THOC5: variants seen among roughly 807,000 people sequenced by gnomAD.
THOC5 encodes the protein Fms-interacting protein.
In THOC5, 43 loss-of-function variants were observed where a neutral mutation model predicts 92.9. The observed-to-expected ratio is 0.46, with a 90% confidence interval of 0.36 to 0.60. THOC5 has a LOEUF of 0.60. Among genes scored for constraint, THOC5 ranks in the 20% least tolerant of loss-of-function variants. THOC5 has a pLI of 0.00. For missense variants in THOC5, 659 were observed against 849.4 expected (o/e 0.78, Z 2.79); for synonymous variants, 296 against 320.1 (o/e 0.92, Z 0.80).
chr22:29,530,741 T>G (rs1442643525), intron 8 of THOC5, among the ~76,000 whole-genome samples: 4 of 152,150 alleles, frequency 2.6e-5, no homozygotes, highest in African/African-American at 7.2e-5. Context: ...CATTGAGTGA[T>G]GTCTTGAGAC....
At chr22:29,536,787 C>T (rs1479162183) in intron 6 of THOC5, 49 bp from the exon 7 acceptor site, 2 of 997,586 alleles carry the variant, frequency 2.0e-6, no homozygotes, top group Non-Finnish European at 3.2e-6. Context: ...CCAGTGATAC[C>T]TCAACATGCC....
At chr22:29,513,076 C>T (rs938793979) in intron 17 of THOC5, among the ~76,000 whole-genome samples, 1 of 152,174 alleles carries the variant, frequency 6.6e-6, no homozygotes, top group Admixed American at 6.5e-5. Context: ...TTGTGGCTGG[C>T]GCGGTGGCTC....
At chr22:29,542,790 G>A (rs2063926092) in intron 5 of THOC5, 69 bp downstream of exon 5, 2 of 1,050,628 alleles carry the variant, frequency 1.9e-6, no homozygotes, top group South Asian at 2.8e-5. Context: ...CAGACTTACA[G>A]TGAGCTACAT....
At chr22:29,530,940 C>T (rs2063642130) in intron 8 of THOC5, 3 of 674,198 alleles carry the variant, frequency 4.4e-6, no homozygotes, top group Middle Eastern at 3.4e-4. Context: ...CCACCCTTCA[C>T]CCCAAGCAAC....
Position 29,529,064 on chromosome 22 carries a change from G to A in THOC5, c.925+98C>T, listed in dbSNP as rs1231459123. 3 of 1,213,746 alleles carry A rather than the reference G, an allele frequency of 2.5e-6. No individual in the cohort carries two copies. The African/African-American group carries it at 4.5e-5, about 18-fold the overall frequency. The allele number at this position is 1,213,746 out of a possible 1,614,324, so 75.2% of individuals were successfully genotyped here. A position where few individuals can be genotyped will look rare whatever the true frequency, so the allele number is the denominator to read the frequency against. On this transcript the variant is annotated intron_variant, in intron 9 of 19. Transcript: ENST00000490103. ...CTAAGACATTCAAGTCAAGCTTCCTGCTACACAGAACTAGTCCAGCTAGTT... is the reference window on the plus strand; with the variant it reads ...CTAAGACATTCAAGTCAAGCTTCCTACTACACAGAACTAGTCCAGCTAGTT...
At chr22:29,511,401 C>T (rs1445918699) in intron 18 of THOC5, 105 bp from the exon 19 acceptor site, 5 of 1,320,536 alleles carry the variant, frequency 3.8e-6, no homozygotes, top group Non-Finnish European at 5.2e-6. Flanking sequence ...GATGCCTCTG[C>T]AGGGGCTGGG....
chr22:29,519,019 C>A lies in THOC5; in HGVS notation c.1476G>T (p.Gln492His), dbSNP rs1258909767. ...RVQSRLALHKQFASLEHGIVP... is the reference protein window; with the variant it reads ...RVQSRLALHKHFASLEHGIVP... ...TCATCAGCTTACCTAGGGATGCAAA[C>A]TGTTTGTGGAGGGCCAGGCGGGACT... Residue 492 changes from glutamine to histidine, a missense_variant, in exon 15 of 20, where the codon CAG becomes CAT. By Grantham distance (24) the Gln-to-His change is conservative (BLOSUM62 0). Transcript: ENST00000490103. 4 of 1,604,044 alleles carry A rather than the reference C, an allele frequency of 2.5e-6. No individual in the cohort carries two copies. Among genetic ancestry groups the A allele is most frequent in the Non-Finnish European group, 2.6e-6 (3 of 1,174,910 alleles).
intron 17 of THOC5, among the ~76,000 whole-genome samples, chr22:29,516,711 T>G (rs1417836952): frequency 6.6e-6 from 1 of 152,166 alleles, no homozygotes; most frequent in East Asian, 1.9e-4. Context: ...AGATGTCCGG[T>G]ACTAGAAAGC....
At chr22:29,544,915 A>G in intron 2 of THOC5, 1 of 285,132 alleles carries the variant, frequency 3.5e-6, no homozygotes, top group South Asian at 3.4e-5. Context: ...AAGATTGTGG[A>G]TAAATAAACA....
chr22:29,520,750 C>A (rs2063425131), intron 13 of THOC5, among the ~76,000 whole-genome samples: 1 of 152,214 alleles, frequency 6.6e-6, no homozygotes, highest in Non-Finnish European at 1.5e-5. Flanking sequence ...CCTGCTTTGG[C>A]CTTCCAAAGT....
intron 1 of THOC5, among the ~76,000 whole-genome samples, chr22:29,549,726 C>T (rs982051291): frequency 6.6e-6 from 1 of 152,158 alleles, no homozygotes; most frequent in African/African-American, 2.4e-5. Context: ...ACCTTCCCAA[C>T]TTCATTTCTT....
chr22:29,511,343 G>T, intron 18 of THOC5, 47 bp from the exon 19 acceptor site: 1 of 1,580,166 alleles, frequency 6.3e-7, no homozygotes. Flanking sequence ...TCCTGCATGT[G>T]GGGGACCACA....
chr22:29,510,457 G>A (rs756789915), intron 19 of THOC5, among the ~76,000 whole-genome samples: 10 of 152,076 alleles, frequency 6.6e-5, no homozygotes, highest in Non-Finnish European at 1.0e-4. Context: ...AATTAGTTGC[G>A]TGTGGCGGTG....
intron 12 of THOC5, among the ~76,000 whole-genome samples, chr22:29,524,219 AC>A (rs1299782264): frequency 6.6e-6 from 1 of 152,104 alleles, no homozygotes; most frequent in Non-Finnish European, 1.5e-5. Context: ...TCCACTCTCT[AC>A]CTGTGACCTT....
rs1268199995 is a variant in THOC5 at position 29,544,611 on chromosome 22, G to C, written c.97-8C>G. The C allele has an allele frequency of 6.2e-7, 1 of 1,603,884 alleles. No individual in the cohort carries two copies. The highest frequency in any genetic ancestry group is 1.3e-5 in the African/African-American group (1 of 74,494). On this transcript the variant is annotated splice_polypyrimidine_tract_variant and splice_region_variant and intron_variant, in intron 2 of 19. Coordinates refer to ENST00000490103, the MANE Select transcript of THOC5 (RefSeq NM_003678.5). ...ACTGTAGTATTTACCTTCCTGTAGA[G>C]GTAAGGATAAAGGCTCTGTGTGCAT...
intron 17 of THOC5, among the ~76,000 whole-genome samples, chr22:29,514,189 T>TC (rs2063286106): frequency 6.6e-6 from 1 of 152,180 alleles, no homozygotes; most frequent in South Asian, 2.1e-4. Context: ...GACCTCGTGA[T>TC]CCACCCGCCT....
chr22:29,543,378 G>T lies in THOC5; in HGVS notation c.354+51C>A, dbSNP rs1379202021. ...AAAAAAAAAAAAAAAAAAAAGAAGG[G>T]GATGGGGAGGAGGAAGGAGGAAGGT... On this transcript the variant is annotated intron_variant, in intron 4 of 19. Transcript: ENST00000490103. The T allele has an allele frequency of 5.1e-6, 6 of 1,186,848 alleles. No individual in the cohort carries two copies. In the South Asian group the frequency reaches 7.8e-5, roughly 15 times the overall value. 73.5% of individuals were successfully genotyped at this position (1,186,848 alleles called of 1,614,324 possible).
intron 2 of THOC5, among the ~76,000 whole-genome samples, chr22:29,548,604 C>CAAGGACAGAGAA (rs1291242669): frequency 2.0e-5 from 3 of 152,028 alleles, no homozygotes; most frequent in African/African-American, 7.2e-5. Flanking sequence ...TTGACAGATT[C>CAAGGACAGAGAA]AAGGACAGAG....
chr22:29,524,142 G>C (rs921745141), intron 12 of THOC5, among the ~76,000 whole-genome samples: 27 of 152,138 alleles, frequency 1.8e-4, no homozygotes, highest in African/African-American at 6.5e-4. Flanking sequence ...TCCCTGTTTG[G>C]GGGTCAGGGC....
Sources: gnomAD v4.1 joint callset for allele counts (sites outside exome capture counted in the v4.1 genomes callset) on GRCh38, gnomAD v4.1.1 for gene constraint, MANE v1.5 for transcripts, NCBI Gene and HGNC (gene_info 2026-07-23, HGNC 2026-07-21) for gene names.